The following SYTL2 variants were observed in gnomAD, a reference collection of about 807,000 sequenced individuals.
SYTL2 encodes synaptotagmin like 2.
A neutral mutation model predicts 198.7 loss-of-function variants in SYTL2; 165 were observed. The ratio of observed to expected loss-of-function variants is 0.83; its 90% CI spans 0.73 to 0.94. SYTL2 has a LOEUF of 0.94. SYTL2 is among the 40% of genes least tolerant of loss of function. The pLI, the probability that SYTL2 is intolerant of heterozygous loss-of-function variation, is 0.00. For synonymous variants in SYTL2, 966 were observed against 917.7 expected, an observed-to-expected ratio of 1.05 and a Z score of -0.95; for missense variants, 2,835 against 2,582.8, an observed-to-expected ratio of 1.10 and a Z score of -2.12.
In SYTL2 at chr11:85,734,657, G is replaced by T. The variant is rs2090158773; in HGVS notation, c.672C>A (p.Gly224=). The change falls in exon 7 of 20, where the codon GGC becomes GGA. Residue 224 remains glycine, a synonymous_variant. Transcript: ENST00000359152. ...CCTTGATTTGGGACCCATTTGAAAG[G>T]CCTGGCAAAGTCTGCTTTGATTTCT... ...KLEKSKQTLP[G]LSNGSQIKAP... The T allele has an allele frequency of 9.3e-6, 15 of 1,614,148 alleles. No individual in the cohort carries two copies. The highest frequency in any genetic ancestry group is 1.3e-5 in the Non-Finnish European group (15 of 1,180,002).
chr11:85,781,042 T>C lies in SYTL2; in HGVS notation c.-389-22928A>G, dbSNP rs923412047. On this transcript the variant is annotated intron_variant, in intron 1 of 19. Coordinates refer to ENST00000359152, the MANE Select transcript of SYTL2 (RefSeq NM_206927.4). ...CAGAAGTGTTCTGCGCTGTGGTGAG[T>C]AGAGAATAGGAAGAACACTGCAGTA... Among the ~76,000 whole-genome samples, 6 of 152,060 alleles carry C rather than the reference T, an allele frequency of 3.9e-5. No homozygotes were observed. In the East Asian group the frequency reaches 1.2e-3, roughly 29 times the overall value.
At chr11:85,765,296 G>A (rs947845684) in intron 1 of SYTL2, among the ~76,000 whole-genome samples, 2 of 152,172 alleles carry the variant, frequency 1.3e-5, no homozygotes, top group Admixed American at 6.5e-5. Context: ...GAGTGCAAGG[G>A]CGTGATCTCC....
chr11:85,732,872 T>C (rs899952009), intron 7 of SYTL2, among the ~76,000 whole-genome samples: 1 of 152,224 alleles, frequency 6.6e-6, no homozygotes, highest in Non-Finnish European at 1.5e-5. Context: ...AGCATGTTTT[T>C]TTCTATTGTT....
upstream of SYTL2, among the ~76,000 whole-genome samples, chr11:85,815,260 T>G (rs2093060031): frequency 6.6e-6 from 1 of 152,214 alleles, no homozygotes; most frequent in African/African-American, 2.4e-5. Flanking sequence ...CTATGTGAAT[T>G]TATAACTTCT....
chr11:85,820,661 T>C, the SYTL2 span, among the ~76,000 whole-genome samples: 1 of 152,200 alleles, frequency 6.6e-6, no homozygotes, highest in African/African-American at 2.4e-5. Context: ...ATCTGAGGTA[T>C]ACAGGGGTTG....
the SYTL2 span, among the ~76,000 whole-genome samples, chr11:85,843,126 C>G: frequency 6.6e-6 from 1 of 152,144 alleles, no homozygotes; most frequent in African/African-American, 2.4e-5. Context: ...ATAATCCCAG[C>G]ACTTTGGGAG....
Position 85,724,126 on chromosome 11 carries a change from T to C in SYTL2, c.5232A>G (p.Lys1744=), listed in dbSNP as rs768531996. 1.8e-5 allele frequency: 29 copies of C among 1,593,742 alleles called. No individual in the cohort carries two copies. Among genetic ancestry groups the C allele is most frequent in the Non-Finnish European group, 2.4e-5 (28 of 1,175,060 alleles). Residue 1744 remains lysine, a synonymous_variant, in exon 8 of 20, where the codon AAA becomes AAG. Transcript: ENST00000359152. ...CTTCTTTTTCTTCCTCTTTCTCTTG[T>C]TTCATATATGGCGATGCTAGAGTCA... ...VELTLASPYM[K]QEKEEEKEGF...
chr11:85,716,619 C>A (rs1427123055), intron 11 of SYTL2: 2 of 151,320 alleles, frequency 1.3e-5, no homozygotes, highest in Non-Finnish European at 2.9e-5. Flanking sequence ...TGAGGGTAGA[C>A]ATGTGTATCA....
chr11:85,723,942 T>C, intron 8 of SYTL2, 90 bp downstream of exon 8: 1 of 625,036 alleles, frequency 1.6e-6, no homozygotes, highest in Non-Finnish European at 2.4e-6. Context: ...TTTAAGAATA[T>C]CAAATTAATC....
chr11:85,728,033 A>T, intron 7 of SYTL2, 66 bp from the exon 8 acceptor site: 1 of 1,378,980 alleles, frequency 7.3e-7, no homozygotes, highest in East Asian at 2.3e-5. Flanking sequence ...AATCATTCAC[A>T]TCATCATCTT....
At chr11:85,829,558 G>A in the SYTL2 span, among the ~76,000 whole-genome samples, 2 of 152,294 alleles carry the variant, frequency 1.3e-5, no homozygotes, top group Admixed American at 6.5e-5. Context: ...TTTTCTTTGG[G>A]TATACACCCA....
chr11:85,786,446 T>G (rs943596904), intron 1 of SYTL2, among the ~76,000 whole-genome samples: 12 of 152,196 alleles, frequency 7.9e-5, no homozygotes, highest in African/African-American at 2.9e-4. Context: ...ATCTGAGTTG[T>G]GATATACTAT....
At chr11:85,795,786 G>A (rs2092795297) in intron 1 of SYTL2, among the ~76,000 whole-genome samples, 1 of 152,150 alleles carries the variant, frequency 6.6e-6, no homozygotes, top group Admixed American at 6.5e-5. Context: ...CTTCAGGTGA[G>A]CTGGCTCTGA....
chr11:85,738,318 T>C (rs907553941), intron 4 of SYTL2, among the ~76,000 whole-genome samples: 1 of 152,236 alleles, frequency 6.6e-6, no homozygotes, highest in African/African-American at 2.4e-5. Flanking sequence ...GGCTGAGCTC[T>C]TGAAGAAGCC....
intron 1 of SYTL2, among the ~76,000 whole-genome samples, chr11:85,790,126 C>A (rs2092708508): frequency 6.6e-6 from 1 of 152,080 alleles, no homozygotes; most frequent in East Asian, 1.9e-4. Context: ...ATTTTTAATA[C>A]TTTTGTGCAT....
intron 1 of SYTL2, among the ~76,000 whole-genome samples, chr11:85,770,329 T>C (rs1271476279): frequency 6.6e-6 from 1 of 152,166 alleles, no homozygotes; most frequent in Non-Finnish European, 1.5e-5. Context: ...TTTCTCCCCT[T>C]GTCTACCACT....
At chr11:85,770,958 G>C (rs1286317607) in intron 1 of SYTL2, among the ~76,000 whole-genome samples, 1 of 152,154 alleles carries the variant, frequency 6.6e-6, no homozygotes, top group African/African-American at 2.4e-5. Flanking sequence ...CTGAGCCTCG[G>C]GTTTCTCATC....
chr11:85,811,493 A>G (rs2093033377), upstream of SYTL2, among the ~76,000 whole-genome samples: 1 of 152,162 alleles, frequency 6.6e-6, no homozygotes, highest in South Asian at 2.1e-4. Flanking sequence ...GAGAGTGTGG[A>G]GCACTAGGAG....
chr11:85,780,353 T>C (rs936464985), intron 1 of SYTL2, among the ~76,000 whole-genome samples: 4 of 152,200 alleles, frequency 2.6e-5, no homozygotes, highest in Non-Finnish European at 4.4e-5. Flanking sequence ...GTGTCTTTTG[T>C]ATGCTAAGGT....
Sources: allele counts gnomAD v4.1 joint callset (sites outside exome capture counted in the v4.1 genomes callset), GRCh38; gene constraint gnomAD v4.1.1; transcripts MANE v1.5; gene names NCBI Gene and HGNC (gene_info 2026-07-23, HGNC 2026-07-21).